RORA: variants seen among roughly 807,000 people sequenced by gnomAD.
RORA encodes the protein nuclear receptor ROR-alpha.
Under a neutral mutation model 69.5 loss-of-function variants are expected in RORA, and 7 were observed. The observed-to-expected ratio is 0.10, with a 90% CI of 0.06 to 0.19. The LOEUF (loss-of-function observed/expected upper bound fraction) is 0.19. Among genes scored for constraint, RORA ranks in the 10% least tolerant of loss-of-function variants. RORA has a pLI of 1.00. For missense variants in RORA, 457 were observed against 663.0 expected (o/e 0.69, Z 3.41); for synonymous variants, 261 against 240.8 (o/e 1.08, Z -0.78).
chr15:61,172,792 A>G (rs891874537), intron 1 of RORA, among the ~76,000 whole-genome samples: 1 of 152,110 alleles, frequency 6.6e-6, no homozygotes, highest in Non-Finnish European at 1.5e-5. Context: ...TCAGAGGCAG[A>G]GCTTAAGTCT....
At chr15:60,658,237 C>T (rs546710300) in intron 2 of RORA, among the ~76,000 whole-genome samples, 11 of 152,118 alleles carry the variant, frequency 7.2e-5, no homozygotes, top group South Asian at 2.1e-4. Context: ...TGCACCATCA[C>T]GCCCAGCTAG....
intron 2 of RORA, chr15:60,627,607 C>T: frequency 1.9e-6 from 2 of 1,070,452 alleles, no homozygotes; most frequent in Non-Finnish European, 2.4e-6. Context: ...GACTAAATTC[C>T]AAAGCTGGGC....
intron 2 of RORA, among the ~76,000 whole-genome samples, chr15:60,571,736 A>G (rs1388328338): frequency 2.0e-5 from 3 of 152,188 alleles, no homozygotes; most frequent in Admixed American, 6.5e-5. Context: ...TTGCAGGTCT[A>G]ATAGTCTATA....
At chr15:60,499,101 G>C (rs537814510) in intron 10 of RORA, among the ~76,000 whole-genome samples, 78 of 152,268 alleles carry the variant, frequency 5.1e-4, no homozygotes, top group Admixed American at 9.1e-4. Flanking sequence ...TGAATACAGA[G>C]TAGTGATGGG....
rs532881728 is a variant in RORA, at chr15:61,014,260, T to C, written c.166+214793A>G. Reference sequence around the variant, plus strand: ...CACAAATTATACACAGCTTTGAGAGTTACTGTTGAGATTATTACAGTGTAT... The same window carrying C: ...CACAAATTATACACAGCTTTGAGAGCTACTGTTGAGATTATTACAGTGTAT... On this transcript the variant is annotated intron_variant, in intron 1 of 10. Transcript: ENST00000335670. Among the ~76,000 whole-genome samples the C allele has an allele frequency of 1.2e-4, 18 of 152,290 alleles. No homozygotes were observed. In the East Asian group the frequency reaches 3.5e-3, roughly 29 times the overall value.
At chr15:61,056,449 A>T (rs987524420) in intron 1 of RORA, among the ~76,000 whole-genome samples, 1 of 152,216 alleles carries the variant, frequency 6.6e-6, no homozygotes, top group Non-Finnish European at 1.5e-5. Flanking sequence ...AAAGTAAAAA[A>T]GGGGAGAAAC....
chr15:60,805,924 AG>A (rs1233311660), intron 1 of RORA, among the ~76,000 whole-genome samples: 2 of 152,226 alleles, frequency 1.3e-5, no homozygotes, highest in Non-Finnish European at 2.9e-5. Flanking sequence ...AAGTCACAGA[AG>A]TTTAAATCTC....
intron 1 of RORA, among the ~76,000 whole-genome samples, chr15:60,939,833 T>G (rs577394467): frequency 1.6e-3 from 251 of 152,334 alleles, no homozygotes; most frequent in Non-Finnish European, 2.7e-3. Flanking sequence ...TCCCTCCTCT[T>G]GCACTTAGAA....
chr15:60,882,149 C>T (rs11631432), intron 1 of RORA, among the ~76,000 whole-genome samples: 65,616 of 152,062 alleles, frequency 0.43, 15,749 homozygotes, highest in East Asian at 0.57. Flanking sequence ...AGCATGCTGG[C>T]GAACACCCAA....
At chr15:60,889,353 G>A (rs4997228) in intron 1 of RORA, among the ~76,000 whole-genome samples, 2 of 23,466 alleles carry the variant, frequency 8.5e-5, no homozygotes, top group Non-Finnish European at 1.4e-4. Context: ...AGTGGGGCGG[G>A]GGGGGGGGGA....
intron 8 of RORA, among the ~76,000 whole-genome samples, chr15:60,501,272 A>G (rs2065322621): frequency 6.6e-6 from 1 of 152,202 alleles, no homozygotes; most frequent in Admixed American, 6.5e-5. Context: ...TTAAAATCTT[A>G]AAAGAAAAAT....
chr15:61,187,711 T>C (rs971050318), intron 1 of RORA, among the ~76,000 whole-genome samples: 7 of 152,190 alleles, frequency 4.6e-5, no homozygotes, highest in Non-Finnish European at 5.9e-5. Context: ...TCAAAGCATA[T>C]GTTTATCACC....
At chr15:60,727,670 G>C (rs1458531989) in intron 1 of RORA, among the ~76,000 whole-genome samples, 2 of 151,656 alleles carry the variant, frequency 1.3e-5, no homozygotes, top group African/African-American at 4.9e-5. Context: ...CAGGTTGTTT[G>C]GGACTTTAAA....
In RORA at chr15:61,002,119, T is replaced by C. The variant is rs534301095; in HGVS notation, c.166+226934A>G. 2.6e-5 allele frequency among the ~76,000 whole-genome samples: 4 copies of C among 152,148 alleles called. No homozygotes were observed. The South Asian group carries it at 6.2e-4, about 24-fold the overall frequency. On this transcript the variant is annotated intron_variant, in intron 1 of 10. Coordinates refer to ENST00000335670, the MANE Select transcript of RORA (RefSeq NM_134261.3). ...TTCAATAGAATGAATGGGAGGGAAATAGAAACCATGTCCACATGACATTAG... is the reference window on the plus strand; with the variant it reads ...TTCAATAGAATGAATGGGAGGGAAACAGAAACCATGTCCACATGACATTAG...
intron 1 of RORA, among the ~76,000 whole-genome samples, chr15:61,004,849 T>G (rs1427669675): frequency 1.3e-5 from 2 of 152,224 alleles, no homozygotes; most frequent in African/African-American, 4.8e-5. Context: ...TAAAATGTGT[T>G]ACACTTTTTA....
intron 1 of RORA, among the ~76,000 whole-genome samples, chr15:60,981,346 AT>A (rs899943786): frequency 6.6e-6 from 1 of 152,052 alleles, no homozygotes; most frequent in Non-Finnish European, 1.5e-5. Flanking sequence ...ATAGATTGAT[AT>A]TTTTTATCAA....
In RORA at chr15:60,989,676, C is replaced by G. The variant is rs529930182; in HGVS notation, c.166+239377G>C. ...TTCGTGGTAGAGTCAGGATTGGAAT[C>G]TAGTCCAGACCACTCCAAAACCACT... is the stretch of plus-strand genomic sequence containing the variant. On this transcript the variant is annotated intron_variant, in intron 1 of 10. Transcript: ENST00000335670. 1.3e-4 allele frequency among the ~76,000 whole-genome samples: 20 copies of G among 152,336 alleles called. No individual in the cohort carries two copies. The East Asian group carries it at 3.3e-3, about 25-fold the overall frequency.
chr15:60,947,059 G>C (rs933269538), intron 1 of RORA, among the ~76,000 whole-genome samples: 6 of 87,306 alleles, frequency 6.9e-5, no homozygotes, highest in Admixed American at 5.1e-4. Context: ...GTCCGGGAGG[G>C]AGGTGGGGGG....
Position 60,902,949 on chromosome 15 carries a change from A to G in RORA, c.167-224263T>C, listed in dbSNP as rs41346644. 6.7e-3 allele frequency among the ~76,000 whole-genome samples: 1,018 copies of G among 152,378 alleles called. 13 individuals carry two copies. The highest frequency in any genetic ancestry group is 0.023 in the African/African-American group (973 of 41,592). On this transcript the variant is annotated intron_variant, in intron 1 of 10. Coordinates refer to ENST00000335670, the MANE Select transcript of RORA (RefSeq NM_134261.3). ...CACGTTTATTAGCTCCTAATTGAGG[A>G]TATCTGCCAGACACAATAAATAAAG...
Sources: gnomAD v4.1 joint callset for allele counts (sites outside exome capture counted in the v4.1 genomes callset) on GRCh38, gnomAD v4.1.1 for gene constraint, MANE v1.5 for transcripts, NCBI Gene and HGNC (gene_info 2026-07-23, HGNC 2026-07-21) for gene names.